The following PLEKHA1 variants were observed in gnomAD, a reference collection of about 807,000 sequenced individuals.
PLEKHA1 encodes pleckstrin homology domain-containing family A member 1.
A neutral mutation model predicts 52.0 loss-of-function variants in PLEKHA1; 34 were observed. The observed-to-expected ratio is 0.65, with a 90% CI of 0.50 to 0.87. The LOEUF (loss-of-function observed/expected upper bound fraction) is 0.87. PLEKHA1 is among the 40% of genes least tolerant of loss of function. PLEKHA1 has a pLI of 0.00. For synonymous variants in PLEKHA1, 163 were observed against 170.7 expected, an observed-to-expected ratio of 0.95 and a Z score of 0.35; for missense variants, 497 against 504.2, an observed-to-expected ratio of 0.99 and a Z score of 0.14.
intron 1 of PLEKHA1, among the ~76,000 whole-genome samples, chr10:122,384,463 C>T (rs572253820): frequency 3.0e-4 from 46 of 151,808 alleles, no homozygotes; most frequent in Admixed American, 5.3e-4. Context: ...AAAAAATTAG[C>T]CGGGTGAGGT....
intron 4 of PLEKHA1, among the ~76,000 whole-genome samples, chr10:122,401,276 G>T (rs1017176145): frequency 6.6e-6 from 1 of 152,194 alleles, no homozygotes; most frequent in Non-Finnish European, 1.5e-5. Flanking sequence ...CAAAGGAGAA[G>T]AAAAAGAGAG....
At chr10:122,403,203 T>C (rs999683620) in intron 4 of PLEKHA1, among the ~76,000 whole-genome samples, 41 of 152,156 alleles carry the variant, frequency 2.7e-4, no homozygotes, top group African/African-American at 9.6e-4. Flanking sequence ...AATCTGAAAG[T>C]ACAACAAAGG....
In PLEKHA1 at chr10:122,413,002, G is replaced by C; in HGVS notation, c.425G>C (p.Arg142Thr). The change falls in exon 6 of 12, where the codon AGA becomes ACA. Residue 142 changes from arginine (R) to threonine (T), a missense_variant. Transcript: ENST00000368990. Reference protein sequence around the residue: ...GECGKKQVSYRTDIVGGVPII... With the variant: ...GECGKKQVSYTTDIVGGVPII... ...TGTGGGAAAAAGCAAGTGTCTTACA[G>C]AACTGATATTGTTGGTGGCGTACCC... 6.2e-7 allele frequency: 1 copy of C among 1,613,520 alleles called. No individual in the cohort carries two copies. Among genetic ancestry groups the C allele is most frequent in the Non-Finnish European group, 8.5e-7 (1 of 1,179,632 alleles).
chr10:122,422,727 G>A (rs907203325), intron 8 of PLEKHA1: 1 of 152,304 alleles, frequency 6.6e-6, no homozygotes, highest in African/African-American at 2.4e-5. Context: ...AATACAGGTA[G>A]GGCAATTAAT....
At chr10:122,405,760 A>G (rs898987386) in intron 4 of PLEKHA1, among the ~76,000 whole-genome samples, 1 of 152,100 alleles carries the variant, frequency 6.6e-6, no homozygotes, top group African/African-American at 2.4e-5. Context: ...ACTATAACCT[A>G]GGGCAGTGGA....
chr10:122,406,266 A>G (rs1484564137), intron 4 of PLEKHA1, among the ~76,000 whole-genome samples: 1 of 152,228 alleles, frequency 6.6e-6, no homozygotes, highest in Non-Finnish European at 1.5e-5. Context: ...GTGGAGAAAT[A>G]TATGTATATG....
At position 122,409,562 on chromosome 10, in the gene PLEKHA1, A is replaced by G. The variant is rs528433805; in HGVS notation, c.342+2889A>G. The stretch of plus-strand genomic sequence containing the variant: ...GAACAGAGATCCATTATTTTTAAAC[A>G]TGTCTTTTTTAAAATTTAAAAATAA... On this transcript the variant is annotated intron_variant, in intron 5 of 11. Transcript: ENST00000368990. Among the ~76,000 whole-genome samples the G allele has an allele frequency of 4.6e-5, 7 of 152,336 alleles. No individual in the cohort carries two copies. The East Asian group carries it at 1.3e-3, about 29-fold the overall frequency.
rs2096798712 is a variant in PLEKHA1, at chr10:122,393,104, A to G, written c.-20-77A>G. The G allele has an allele frequency of 1.2e-5, 15 of 1,216,888 alleles. No homozygotes were observed. The highest frequency in any genetic ancestry group is 1.6e-5 in the Non-Finnish European group (14 of 896,906). 75.4% of individuals were successfully genotyped at this position (1,216,888 alleles called of 1,614,324 possible). A position where few individuals can be genotyped will look rare whatever the true frequency, so the allele number is the denominator to read the frequency against. On this transcript the variant is annotated intron_variant, in intron 1 of 11. Coordinates refer to ENST00000368990, the MANE Select transcript of PLEKHA1 (RefSeq NM_001001974.4). The surrounding 1 kb of genome is among the most constrained non-coding windows in gnomAD (Gnocchi z 4.5). Reference sequence around the variant, plus strand: ...CCTAATGTTGGCAAGTTGCCCCCTCATTGAACAGATTTGCAGTCCATGAGA... The same window carrying G: ...CCTAATGTTGGCAAGTTGCCCCCTCGTTGAACAGATTTGCAGTCCATGAGA...
At chr10:122,427,091 C>T (rs1486998366) in intron 11 of PLEKHA1, 60 bp downstream of exon 11, 6 of 1,464,074 alleles carry the variant, frequency 4.1e-6, no homozygotes, top group African/African-American at 1.4e-5. Context: ...TATCAAATTT[C>T]CTCTCTCCCA....
chr10:122,404,676 T>C (rs994117772), intron 4 of PLEKHA1, among the ~76,000 whole-genome samples: 1 of 152,246 alleles, frequency 6.6e-6, no homozygotes, highest in Non-Finnish European at 1.5e-5. Context: ...ATGGCAGTTA[T>C]AACTTTTCCA....
chr10:122,399,390 G>C (rs11200611), intron 3 of PLEKHA1, among the ~76,000 whole-genome samples: 9,420 of 152,120 alleles, frequency 0.062, 1,025 homozygotes, highest in African/African-American at 0.22. Context: ...ACCAAATGCA[G>C]CTAGTTGCCT....
intron 4 of PLEKHA1, 96 bp downstream of exon 4, chr10:122,400,484 C>A: frequency 8.9e-7 from 1 of 1,122,576 alleles, no homozygotes; most frequent in Non-Finnish European, 1.3e-6. Flanking sequence ...AAACCTAGGG[C>A]TTAATGAATT....
At chr10:122,442,085 C>G in the PLEKHA1 span, 5 of 152,162 alleles carry the variant, frequency 3.3e-5, no homozygotes, top group Non-Finnish European at 7.3e-5. Context: ...CCTTCTGACT[C>G]AAACACCCAT....
intron 1 of PLEKHA1, among the ~76,000 whole-genome samples, chr10:122,380,564 A>G (rs1462253977): frequency 6.6e-6 from 1 of 152,174 alleles, no homozygotes; most frequent in African/African-American, 2.4e-5. Context: ...CAGCGGCCAA[A>G]TGAATGAGTA....
chr10:122,441,235 C>T, the PLEKHA1 span: 4 of 152,096 alleles, frequency 2.6e-5, no homozygotes, highest in South Asian at 2.1e-4. Flanking sequence ...TTTGGGAAGC[C>T]GAGGCGAGAA....
At position 122,397,993 on chromosome 10, in the gene PLEKHA1, C is replaced by A; in HGVS notation, c.198+19C>A. On this transcript the variant is annotated intron_variant, in intron 3 of 11. Transcript: ENST00000368990. Reference sequence around the variant, plus strand: ...TTCAAAGGTAGTCTTTATACATTGTCTTATACTCGTGTGAATTAAAATCCC... The same window carrying A: ...TTCAAAGGTAGTCTTTATACATTGTATTATACTCGTGTGAATTAAAATCCC... 1 of 1,584,490 alleles carries A rather than the reference C, an allele frequency of 6.3e-7. No individual in the cohort carries two copies. Among genetic ancestry groups the A allele is most frequent in the South Asian group, 1.1e-5 (1 of 89,290 alleles).
chr10:122,438,309 A>G, the PLEKHA1 span: 3 of 152,270 alleles, frequency 2.0e-5, no homozygotes, highest in African/African-American at 4.8e-5. Context: ...TGTTGATGAA[A>G]TGACCCAGTA....
intron 11 of PLEKHA1, among the ~76,000 whole-genome samples, chr10:122,427,371 T>G (rs1383340954): frequency 6.6e-6 from 1 of 152,214 alleles, no homozygotes; most frequent in Non-Finnish European, 1.5e-5. Flanking sequence ...ATCAGGATCA[T>G]GTAAGACTTT....
intron 8 of PLEKHA1, chr10:122,423,091 T>G (rs2097283521): frequency 6.7e-6 from 1 of 148,206 alleles, no homozygotes; most frequent in South Asian, 2.2e-4. Flanking sequence ...TTTGTAAAAC[T>G]TTTTAAAAAA....
Sources: gnomAD v4.1 joint callset for allele counts (sites outside exome capture counted in the v4.1 genomes callset) on GRCh38, gnomAD v4.1.1 for gene constraint, Gnocchi (gnomAD v3.1) non-coding constraint, MANE v1.5 for transcripts, NCBI Gene and HGNC (gene_info 2026-07-23, HGNC 2026-07-21) for gene names.